KIAA1755: variants seen among roughly 807,000 people sequenced by gnomAD.
KIAA1755 encodes the protein uncharacterized protein KIAA1755.
KIAA1755 carries 68 observed loss-of-function variants against 91.7 expected under a neutral mutation model. That is an observed-to-expected ratio of 0.74 (90% confidence interval 0.61 to 0.91). The LOEUF (loss-of-function observed/expected upper bound fraction) is 0.91, where lower values mean the gene tolerates loss of function less well. Ranked by LOEUF, KIAA1755 falls within the 40% of genes least tolerant of loss-of-function variation. KIAA1755 has a pLI of 0.00. For synonymous variants in KIAA1755, 610 were observed against 604.6 expected (o/e 1.01, Z -0.13); for missense variants, 1,535 against 1,494.4 (o/e 1.03, Z -0.45).
At chr20:38,220,964 T>C (rs2075648289) in intron 10 of KIAA1755, among the ~76,000 whole-genome samples, 1 of 152,180 alleles carries the variant, frequency 6.6e-6, no homozygotes, top group African/African-American at 2.4e-5. Flanking sequence ...GATATTTGTG[T>C]GAAGGGAGGA....
Position 38,227,151 on chromosome 20 carries a change from C to G in KIAA1755, c.2052+3G>C. 1.2e-6 allele frequency: 2 copies of G among 1,611,868 alleles called. No individual in the cohort carries two copies. Among genetic ancestry groups the G allele is most frequent in the East Asian group, 2.2e-5 (1 of 44,848 alleles). On this transcript the variant is annotated splice_donor_region_variant and intron_variant, in intron 7 of 13. Coordinates refer to ENST00000279024, the MANE Select transcript of KIAA1755 (RefSeq NM_001029864.2). ...TCAACCGCCGACCCTGAGTCCCCCT[C>G]ACCTGGACGTCAGGTAATGTCTGCA...
At chr20:38,248,680 C>CTTT (rs1256250837) in intron 1 of KIAA1755, among the ~76,000 whole-genome samples, 7 of 74,824 alleles carry the variant, frequency 9.4e-5, no homozygotes, top group African/African-American at 3.7e-4. Flanking sequence ...CTTGTCTTCT[C>CTTT]TTTATTATTA....
chr20:38,221,654 A>G (rs1682476364), intron 10 of KIAA1755, among the ~76,000 whole-genome samples: 1 of 152,174 alleles, frequency 6.6e-6, no homozygotes, highest in African/African-American at 2.4e-5. Flanking sequence ...GTGAGCTGGT[A>G]TTTGTAAATC....
Position 38,240,770 on chromosome 20 carries a change from A to G in KIAA1755, c.1361T>C (p.Met454Thr). 6.3e-7 allele frequency: 1 copy of G among 1,599,124 alleles called. No homozygotes were observed. The highest frequency in any genetic ancestry group is 8.5e-7 in the Non-Finnish European group (1 of 1,172,090). The change falls in exon 3 of 14, where the codon ATG (methionine) becomes ACG (threonine). Residue 454 changes from methionine (M) to threonine (T), a missense_variant. Coordinates refer to ENST00000279024, the MANE Select transcript of KIAA1755 (RefSeq NM_001029864.2). ...GGAGGTGTTTCTGCTAGGGCAGGGCATGGGCTTGGGAAGTCTCCCATTTCT... is the reference window on the plus strand; with the variant it reads ...GGAGGTGTTTCTGCTAGGGCAGGGCGTGGGCTTGGGAAGTCTCCCATTTCT... Reference protein sequence around the residue: ...KERNGRLPKPMPCPSRNTSSP... With the variant: ...KERNGRLPKPTPCPSRNTSSP...
intron 4 of KIAA1755, among the ~76,000 whole-genome samples, chr20:38,234,665 G>A (rs2075927053): frequency 6.6e-6 from 1 of 152,166 alleles, no homozygotes; most frequent in Admixed American, 6.5e-5. Flanking sequence ...CACACTTTGA[G>A]CAGCAAAGGG....
chr20:38,252,755 AGG>A (rs2076272996), intron 1 of KIAA1755, among the ~76,000 whole-genome samples: 1 of 152,200 alleles, frequency 6.6e-6, no homozygotes, highest in Non-Finnish European at 1.5e-5. Flanking sequence ...TTACCATTTA[AGG>A]GGCAGCCAGT....
intron 1 of KIAA1755, among the ~76,000 whole-genome samples, chr20:38,249,956 C>G (rs1336605263): frequency 1.3e-5 from 2 of 152,340 alleles, no homozygotes; most frequent in African/African-American, 2.4e-5. Context: ...GCTCCAGCCT[C>G]TCTGTGCAGC....
intron 7 of KIAA1755, among the ~76,000 whole-genome samples, chr20:38,226,403 C>T (rs1352962160): frequency 6.6e-6 from 1 of 152,156 alleles, no homozygotes; most frequent in Non-Finnish European, 1.5e-5. Context: ...GGGCCAGCAT[C>T]GCCGGCATCA....
At position 38,213,062 on chromosome 20, in the gene KIAA1755, T is replaced by C. The variant is rs752701112; in HGVS notation, c.3583A>G (p.Ser1195Gly). 1 of 1,545,314 alleles carries C rather than the reference T, an allele frequency of 6.5e-7. No individual in the cohort carries two copies. The change falls in exon 14 of 14, where the codon AGT (serine) becomes GGT (glycine). Residue 1195 changes from serine to glycine, a missense_variant. By Grantham distance (56) the Ser-to-Gly change is moderately conservative. Coordinates refer to ENST00000279024, the MANE Select transcript of KIAA1755 (RefSeq NM_001029864.2). ...QTSLEDSPQT[S>G]PLASL ...CTCAGCTAGAGGGAGGCAAGGGGAC[T>C]TGTCTGGGGTGAGTCCTCAAGGGAT... is the stretch of plus-strand genomic sequence containing the variant.
chr20:38,242,892 G>A (rs568764110), intron 2 of KIAA1755, among the ~76,000 whole-genome samples: 9 of 152,344 alleles, frequency 5.9e-5, no homozygotes, highest in Admixed American at 2.6e-4. Context: ...ACACGAAGGT[G>A]AAGCAAAACT....
At chr20:38,235,980 G>A (rs149945526) in intron 4 of KIAA1755, among the ~76,000 whole-genome samples, 2 of 152,320 alleles carry the variant, frequency 1.3e-5, no homozygotes, top group African/African-American at 2.4e-5. Context: ...TGCCCTATAA[G>A]GAAACTCCAA....
chr20:38,217,526 C>G, intron 12 of KIAA1755, 52 bp from the exon 13 acceptor site: 1 of 1,405,746 alleles, frequency 7.1e-7, no homozygotes, highest in East Asian at 2.5e-5. Context: ...TGGCTGGGGC[C>G]TCCCTCGGAG....
chr20:38,220,609 C>T (rs993618181), intron 10 of KIAA1755, among the ~76,000 whole-genome samples: 3 of 152,174 alleles, frequency 2.0e-5, no homozygotes, highest in Admixed American at 1.3e-4. Flanking sequence ...CCACCACGCC[C>T]GGCTGAGACA....
At position 38,213,178 on chromosome 20, in the gene KIAA1755, G is replaced by A. The variant is rs369270226; in HGVS notation, c.3467C>T (p.Thr1156Ile). 2 of 1,613,824 alleles carry A rather than the reference G, an allele frequency of 1.2e-6. No homozygotes were observed. Among genetic ancestry groups the A allele is most frequent in the Non-Finnish European group, 1.7e-6 (2 of 1,179,992 alleles). Residue 1156 changes from threonine to isoleucine, a missense_variant, in exon 14 of 14, where the codon ACC (threonine) becomes ATC (isoleucine). Physicochemically the swap from Thr to Ile is moderately conservative, Grantham distance 89. Coordinates refer to ENST00000279024, the MANE Select transcript of KIAA1755 (RefSeq NM_001029864.2). ...PDPAREHLLA[T>I]TFFRQQPPRQ... ...GGGGGGCTGCTGCCGGAAGAAGGTG[G>A]TGGCAAGCAAATGCTCGCGGGCAGG... is the stretch of plus-strand genomic sequence containing the variant.
At chr20:38,237,093 A>G (rs561927031) in intron 4 of KIAA1755, among the ~76,000 whole-genome samples, 1 of 150,788 alleles carries the variant, frequency 6.6e-6, no homozygotes, top group South Asian at 2.1e-4. Context: ...CAGGTAGGTG[A>G]ATGACCTTCC....
chr20:38,241,469 C>T lies in KIAA1755; in HGVS notation c.662G>A (p.Ser221Asn). 1 of 1,614,238 alleles carries T rather than the reference C, an allele frequency of 6.2e-7. No homozygotes were observed. The highest frequency in any genetic ancestry group is 2.2e-5 in the East Asian group (1 of 44,888). The change falls in exon 3 of 14, where the codon AGC becomes AAC. Residue 221 changes from serine to asparagine, a missense_variant. By Grantham distance (46) the Ser-to-Asn change is conservative. Coordinates refer to ENST00000279024, the MANE Select transcript of KIAA1755 (RefSeq NM_001029864.2). The stretch of plus-strand genomic sequence containing the variant: ...AGGAAGCACCTGGTTGTCTGGGGAG[C>T]TGGCCTGGTGCAACTCTTGAGGGCT... Reference protein sequence around the residue: ...LSSPQELHQASSPDNQVLPAQ... With the variant: ...LSSPQELHQANSPDNQVLPAQ...
chr20:38,220,703 C>T (rs1450239486), intron 10 of KIAA1755, among the ~76,000 whole-genome samples: 6 of 152,202 alleles, frequency 3.9e-5, no homozygotes, highest in Non-Finnish European at 7.3e-5. Context: ...ACACTTAACA[C>T]AGTGCCCAGC....
chr20:38,250,571 G>A (rs1185413476), intron 1 of KIAA1755, among the ~76,000 whole-genome samples: 1 of 151,108 alleles, frequency 6.6e-6, no homozygotes, highest in Admixed American at 6.6e-5. Context: ...AGGCAAGAAA[G>A]AAAGAAGGAA....
At chr20:38,249,326 A>AG (rs574855715) in intron 1 of KIAA1755, among the ~76,000 whole-genome samples, 1 of 152,196 alleles carries the variant, frequency 6.6e-6, no homozygotes, top group East Asian at 1.9e-4. Flanking sequence ...CCTGTTGCCC[A>AG]GGGGGGCAAA....
Sources: allele counts gnomAD v4.1 joint callset (sites outside exome capture counted in the v4.1 genomes callset), GRCh38; gene constraint gnomAD v4.1.1; transcripts MANE v1.5; gene names NCBI Gene and HGNC (gene_info 2026-07-23, HGNC 2026-07-21).